The following HACL1 variants were observed in gnomAD, a reference collection of about 807,000 sequenced individuals.
The protein encoded by HACL1 is 1600020H07Rik.
HACL1 carries 64 observed loss-of-function variants against 74.2 expected under a neutral mutation model. That is an observed-to-expected ratio of 0.86 (90% confidence interval 0.70 to 1.06). The LOEUF is 1.06. Among genes scored for constraint, HACL1 ranks in the 50% least tolerant of loss-of-function variants. The pLI is 0.00. For synonymous variants in HACL1, 230 were observed against 238.8 expected (o/e 0.96, Z 0.34); for missense variants, 728 against 719.7 (o/e 1.01, Z -0.13).
chr3:15,567,775 G>T (rs1221643050), intron 14 of HACL1, 69 bp downstream of exon 14: 3 of 1,395,578 alleles, frequency 2.1e-6, no homozygotes, highest in South Asian at 2.4e-5. Flanking sequence ...TTTGTCAGGT[G>T]ACTGGGTCTT....
chr3:15,571,671 G>A lies in HACL1; in HGVS notation c.1092C>T (p.Ser364=). The change falls in exon 12 of 17, where the codon TCC becomes TCT. Residue 364 remains serine (S), a synonymous_variant. Transcript: ENST00000321169. ...REKMKSNEAA[S]KELASKKSLP... Reference sequence around the variant, plus strand: ...GCGTCAGTAGGTCCGATTTTACCTTGGATGCAGCTTCATTGCTCTTCATTT... The same window carrying A: ...GCGTCAGTAGGTCCGATTTTACCTTAGATGCAGCTTCATTGCTCTTCATTT... The A allele has an allele frequency of 7.4e-7, 1 of 1,343,622 alleles. No homozygotes were observed. The highest frequency in any genetic ancestry group is 2.3e-5 in the East Asian group (1 of 43,554). 83.2% of individuals were successfully genotyped at this position (1,343,622 alleles called of 1,614,324 possible).
chr3:15,568,828 G>C (rs1441229991), intron 12 of HACL1, among the ~76,000 whole-genome samples: 1 of 152,174 alleles, frequency 6.6e-6, no homozygotes, highest in African/African-American at 2.4e-5. Flanking sequence ...CCCGCCTCTT[G>C]GAGATCTGCA....
chr3:15,578,909 G>A (rs1396000736), intron 9 of HACL1, among the ~76,000 whole-genome samples: 1 of 152,220 alleles, frequency 6.6e-6, no homozygotes, highest in Non-Finnish European at 1.5e-5. Flanking sequence ...GAGTGGGGGT[G>A]TGGAGCCTAC....
intron 3 of HACL1, among the ~76,000 whole-genome samples, chr3:15,593,428 A>G (rs2063994734): frequency 6.6e-6 from 1 of 151,968 alleles, no homozygotes; most frequent in South Asian, 2.1e-4. Context: ...CATGTTGCCC[A>G]GGCTGGTCTT....
chr3:15,582,621 A>G (rs531779641), intron 8 of HACL1, among the ~76,000 whole-genome samples: 5 of 152,316 alleles, frequency 3.3e-5, no homozygotes, highest in African/African-American at 1.2e-4. Flanking sequence ...ATTTTTCCAA[A>G]ATGTTTTATA....
intron 5 of HACL1, among the ~76,000 whole-genome samples, chr3:15,589,057 T>C (rs536354752): frequency 6.6e-6 from 1 of 152,350 alleles, no homozygotes; most frequent in South Asian, 2.1e-4. Flanking sequence ...ATATCCACCC[T>C]GAAGTTGTCT....
intron 10 of HACL1, among the ~76,000 whole-genome samples, chr3:15,573,541 C>A (rs2125242532): frequency 6.6e-6 from 1 of 152,306 alleles, no homozygotes; most frequent in South Asian, 2.1e-4. Flanking sequence ...TGCATCTAAT[C>A]AGTAAGTTCT....
At chr3:15,579,783 A>C in intron 9 of HACL1, 127 bp downstream of exon 9, 1 of 685,772 alleles carries the variant, frequency 1.5e-6, no homozygotes, top group Non-Finnish European at 2.5e-6. Context: ...ATAGTCCAAA[A>C]ATAAACAGGT....
rs529953259 is a variant in HACL1 at position 15,592,599 on chromosome 3, T to C, written c.228-919A>G. Among the ~76,000 whole-genome samples the C allele has an allele frequency of 3.7e-4, 45 of 121,876 alleles. 2 individuals carry two copies. In the East Asian group the frequency reaches 9.3e-3, roughly 25 times the overall value. The allele number at this position is 121,876 out of a possible 152,430, so 80.0% of individuals were successfully genotyped here. On this transcript the variant is annotated intron_variant, in intron 3 of 16. Transcript: ENST00000321169. The stretch of plus-strand genomic sequence containing the variant: ...GCACATGTGTGCGTGTATACACATG[T>C]ACGCACATGTGTGCGTGTATACACA...
intron 9 of HACL1, among the ~76,000 whole-genome samples, chr3:15,578,245 T>C (rs1326886656): frequency 6.6e-6 from 1 of 152,172 alleles, no homozygotes; most frequent in Non-Finnish European, 1.5e-5. Flanking sequence ...ATGTTGATGC[T>C]GATAAAGTTG....
chr3:15,586,888 T>C (rs2063804736), intron 5 of HACL1, among the ~76,000 whole-genome samples: 1 of 152,118 alleles, frequency 6.6e-6, no homozygotes, highest in African/African-American at 2.4e-5. Flanking sequence ...TTCTATAAAC[T>C]GCTGGTGAGA....
At chr3:15,569,005 A>C (rs2063479609) in intron 12 of HACL1, among the ~76,000 whole-genome samples, 1 of 152,208 alleles carries the variant, frequency 6.6e-6, no homozygotes, top group Non-Finnish European at 1.5e-5. Flanking sequence ...TATGACCCTA[A>C]ACTTAAAATG....
chr3:15,581,162 A>C (rs1230350729), intron 8 of HACL1, among the ~76,000 whole-genome samples: 2 of 152,338 alleles, frequency 1.3e-5, no homozygotes, highest in African/African-American at 4.8e-5. Context: ...TCGGCCTCCC[A>C]AAGTGTTGGG....
At chr3:15,569,153 C>T (rs748695463) in intron 12 of HACL1, among the ~76,000 whole-genome samples, 15 of 152,160 alleles carry the variant, frequency 9.9e-5, no homozygotes, top group Non-Finnish European at 2.2e-4. Flanking sequence ...CTTTGTCTAG[C>T]CACATGCCTT....
intron 3 of HACL1, among the ~76,000 whole-genome samples, chr3:15,594,736 A>AT (rs2064024761): frequency 6.6e-6 from 1 of 152,252 alleles, no homozygotes; most frequent in Non-Finnish European, 1.5e-5. Context: ...ATGTTATTTA[A>AT]TTTTAATTAA....
At position 15,564,611 on chromosome 3, in the gene HACL1, T is replaced by C; in HGVS notation, c.1457A>G (p.Tyr486Cys). ...CCAAGTATCTGTATCAAAACCTTGG[T>C]AAATTCCATTGTTATTCACTACCAA... The part of the protein sequence containing the change: ...ILLVVNNNGI[Y>C]QGFDTDTWKE... Residue 486 changes from tyrosine to cysteine, a missense_variant, in exon 15 of 17, where the codon TAC becomes TGC. Transcript: ENST00000321169. 1 of 1,579,210 alleles carries C rather than the reference T, an allele frequency of 6.3e-7. No homozygotes were observed. Among genetic ancestry groups the C allele is most frequent in the Non-Finnish European group, 8.7e-7 (1 of 1,150,644 alleles).
rs373040893 is a variant in HACL1, at chr3:15,591,585, T to C, written c.308+15A>G. On this transcript the variant is annotated intron_variant, in intron 4 of 16. Coordinates refer to ENST00000321169, the MANE Select transcript of HACL1 (RefSeq NM_012260.4). ...CTTTTTAAGAAAATGTTTTCAGTAA[T>C]AATAATGTCATTACCAGCAGTTCAT... is the stretch of plus-strand genomic sequence containing the variant. 5 of 1,482,110 alleles carry C rather than the reference T, an allele frequency of 3.4e-6. No individual in the cohort carries two copies. Among genetic ancestry groups the C allele is most frequent in the East Asian group, 2.3e-5 (1 of 44,178 alleles). The allele number at this position is 1,482,110 out of a possible 1,614,324, so 91.8% of individuals were successfully genotyped here.
intron 7 of HACL1, among the ~76,000 whole-genome samples, chr3:15,583,908 C>T (rs1456404818): frequency 1.3e-5 from 2 of 152,048 alleles, no homozygotes; most frequent in East Asian, 1.9e-4. Context: ...CCACCCACCT[C>T]GGCCTCCCAA....
chr3:15,567,515 T>G lies in HACL1; in HGVS notation c.1409+329A>C, dbSNP rs753755061. Reference sequence around the variant, plus strand: ...GATTACAGGTGTGAGCCACCATGACTGGCAGAAGCCATGCTCTTCAACCAC... The same window carrying G: ...GATTACAGGTGTGAGCCACCATGACGGGCAGAAGCCATGCTCTTCAACCAC... On this transcript the variant is annotated intron_variant, in intron 14 of 16. Transcript: ENST00000321169. 5.3e-5 allele frequency among the ~76,000 whole-genome samples: 8 copies of G among 151,234 alleles called. 1 individual carries two copies. The highest frequency in any genetic ancestry group is 1.0e-4 in the Non-Finnish European group (7 of 68,026).
Sources: gnomAD v4.1 joint callset for allele counts (sites outside exome capture counted in the v4.1 genomes callset) on GRCh38, gnomAD v4.1.1 for gene constraint, MANE v1.5 for transcripts, NCBI Gene and HGNC (gene_info 2026-07-23, HGNC 2026-07-21) for gene names.